The following SLIT3 variants were observed in gnomAD, a reference collection of about 807,000 sequenced individuals.
SLIT3 encodes the protein slit homolog 3 protein.
In SLIT3, 68 loss-of-function variants were observed where a neutral mutation model predicts 184.0. That is an observed-to-expected ratio of 0.37 (90% confidence interval 0.30 to 0.45). The LOEUF (loss-of-function observed/expected upper bound fraction) is 0.45. Ranked by LOEUF, SLIT3 falls within the 20% of genes least tolerant of loss-of-function variation. SLIT3 has a pLI of 1.00. For synonymous variants in SLIT3, 831 were observed against 828.6 expected (o/e 1.00, Z -0.05); for missense variants, 1,707 against 2,026.0 (o/e 0.84, Z 3.02).
intron 4 of SLIT3, among the ~76,000 whole-genome samples, chr5:168,898,167 G>A (rs572666946): frequency 6.6e-6 from 1 of 152,294 alleles, no homozygotes; most frequent in African/African-American, 2.4e-5. Flanking sequence ...AGTATCTTAA[G>A]TTTACCCAGA....
intron 4 of SLIT3, among the ~76,000 whole-genome samples, chr5:168,945,958 C>A (rs1276910149): frequency 2.0e-5 from 3 of 152,222 alleles, no homozygotes; most frequent in Non-Finnish European, 1.5e-5. Flanking sequence ...TGGAAAGTTT[C>A]TCGCGTACTG....
At position 168,895,785 on chromosome 5, in the gene SLIT3, T is replaced by C. The variant is rs552134739; in HGVS notation, c.414-12449A>G. On this transcript the variant is annotated intron_variant, in intron 4 of 35. Coordinates refer to ENST00000519560, the MANE Select transcript of SLIT3 (RefSeq NM_003062.4). ...GAATAGATGCTGTTCTCTTGCTTATTTATGTAAAAATGGATGCAGTTCAAT... is the reference window on the plus strand; with the variant it reads ...GAATAGATGCTGTTCTCTTGCTTATCTATGTAAAAATGGATGCAGTTCAAT... Among the ~76,000 whole-genome samples, 10 of 152,310 alleles carry C rather than the reference T, an allele frequency of 6.6e-5. No individual in the cohort carries two copies. In the South Asian group the frequency reaches 1.5e-3, roughly 22 times the overall value.
intron 20 of SLIT3, among the ~76,000 whole-genome samples, chr5:168,743,032 T>C (rs1348748319): frequency 6.6e-6 from 1 of 152,130 alleles, no homozygotes; most frequent in Non-Finnish European, 1.5e-5. Context: ...CCGGAGAGGC[T>C]AAGCCAGGAA....
chr5:169,217,605 T>G (rs927483923), intron 3 of SLIT3, among the ~76,000 whole-genome samples: 5 of 152,308 alleles, frequency 3.3e-5, no homozygotes, highest in South Asian at 4.1e-4. Context: ...CACAAGTTCC[T>G]GGAAGTCAGG....
intron 4 of SLIT3, among the ~76,000 whole-genome samples, chr5:169,183,979 A>C (rs181419920): frequency 1.4e-4 from 21 of 152,352 alleles, no homozygotes; most frequent in African/African-American, 4.8e-4. Flanking sequence ...TCTCAGTACA[A>C]GTATTGCCCG....
intron 4 of SLIT3, among the ~76,000 whole-genome samples, chr5:168,948,403 A>G (rs112353715): frequency 1.1e-4 from 17 of 152,174 alleles, no homozygotes; most frequent in Non-Finnish European, 7.3e-5. Flanking sequence ...TTAGGTGCAT[A>G]CAGAGAACAG....
chr5:168,978,884 T>A (rs1484929969), intron 4 of SLIT3, among the ~76,000 whole-genome samples: 1 of 119,338 alleles, frequency 8.4e-6, no homozygotes, highest in Non-Finnish European at 1.6e-5. Context: ...GGTGCTGTCA[T>A]CCACCTTAAT....
At chr5:168,765,588 T>C (rs1755313948) in intron 14 of SLIT3, among the ~76,000 whole-genome samples, 1 of 152,228 alleles carries the variant, frequency 6.6e-6, no homozygotes, top group African/African-American at 2.4e-5. Flanking sequence ...TTGTTATGCC[T>C]AATGCTCATA....
chr5:169,271,893 T>C (rs2113633002), intron 1 of SLIT3, among the ~76,000 whole-genome samples: 1 of 152,318 alleles, frequency 6.6e-6, no homozygotes. Context: ...GACCACAGAC[T>C]AGGCTTCCAG....
intron 14 of SLIT3, among the ~76,000 whole-genome samples, chr5:168,769,704 C>G (rs1259013419): frequency 6.6e-6 from 1 of 152,180 alleles, no homozygotes; most frequent in Non-Finnish European, 1.5e-5. Flanking sequence ...CCTGTTCGTG[C>G]AAACCGCCAC....
chr5:168,936,480 G>A (rs529495148), intron 4 of SLIT3, among the ~76,000 whole-genome samples: 2 of 152,166 alleles, frequency 1.3e-5, no homozygotes, highest in South Asian at 4.2e-4. Flanking sequence ...TGATCCACCC[G>A]CCTAGGCCTC....
chr5:169,059,289 G>C (rs770698135), intron 4 of SLIT3, among the ~76,000 whole-genome samples: 3 of 152,108 alleles, frequency 2.0e-5, no homozygotes, highest in Admixed American at 1.3e-4. Flanking sequence ...GCAAAGTGGG[G>C]CAGAGACAGG....
chr5:168,759,847 C>T (rs1280830037), intron 16 of SLIT3, among the ~76,000 whole-genome samples: 1 of 152,182 alleles, frequency 6.6e-6, no homozygotes, highest in African/African-American at 2.4e-5. Flanking sequence ...TCGAGGCACA[C>T]CTGAACTCTG....
chr5:168,825,331 T>A (rs944984946), intron 6 of SLIT3, among the ~76,000 whole-genome samples: 2 of 152,180 alleles, frequency 1.3e-5, no homozygotes, highest in East Asian at 3.8e-4. Flanking sequence ...CAGCCCCTTG[T>A]GAGCCCAGTC....
chr5:168,967,070 G>C (rs527570973), intron 4 of SLIT3, among the ~76,000 whole-genome samples: 3 of 152,154 alleles, frequency 2.0e-5, no homozygotes, highest in Non-Finnish European at 4.4e-5. Flanking sequence ...AACTGTAGGA[G>C]CTAGTTGTCA....
At chr5:169,072,730 ATCT>A (rs779876640) in intron 4 of SLIT3, among the ~76,000 whole-genome samples, 6 of 152,218 alleles carry the variant, frequency 3.9e-5, no homozygotes, top group Non-Finnish European at 7.3e-5. Context: ...GCCATACCAG[ATCT>A]TCTGCACGGC....
In SLIT3 at chr5:168,889,072, G is replaced by A. The variant is rs185316999; in HGVS notation, c.414-5736C>T. Among the ~76,000 whole-genome samples the A allele has an allele frequency of 1.8e-3, 275 of 152,216 alleles. 1 individual carries two copies. The highest frequency in any genetic ancestry group is 6.1e-3 in the African/African-American group (255 of 41,514). On this transcript the variant is annotated intron_variant, in intron 4 of 35. Coordinates refer to ENST00000519560, the MANE Select transcript of SLIT3 (RefSeq NM_003062.4). ...ATATATAGTAACCCAGTGACACATC[G>A]CTCTGTGCTAGGAGCTAAAGGGAAA...
At chr5:168,863,660 C>T (rs1204069554) in intron 5 of SLIT3, among the ~76,000 whole-genome samples, 11 of 152,238 alleles carry the variant, frequency 7.2e-5, no homozygotes, top group South Asian at 6.2e-4. Context: ...TGGGAAAGTG[C>T]GCTCTGGCAT....
intron 4 of SLIT3, among the ~76,000 whole-genome samples, chr5:169,186,876 GATA>G (rs1763361247): frequency 7.9e-6 from 1 of 126,916 alleles, no homozygotes; most frequent in Non-Finnish European, 1.7e-5. Flanking sequence ...ATGATACCAT[GATA>G]ACAGCGCCAG....
Sources: gnomAD v4.1 joint callset for allele counts (sites outside exome capture counted in the v4.1 genomes callset) on GRCh38, gnomAD v4.1.1 for gene constraint, MANE v1.5 for transcripts, NCBI Gene and HGNC (gene_info 2026-07-23, HGNC 2026-07-21) for gene names.